UBXN2A: variants seen among roughly 807,000 people sequenced by gnomAD.
The protein encoded by UBXN2A is UBX domain protein 2A.
A neutral mutation model predicts 28.4 loss-of-function variants in UBXN2A; 28 were observed. That is an observed-to-expected ratio of 0.99 (90% CI 0.73 to 1.35). The LOEUF is 1.35. Among genes scored for constraint, UBXN2A ranks in the 40% most tolerant of loss-of-function variants. The pLI is 0.00. For synonymous variants in UBXN2A, 97 were observed against 103.6 expected (o/e 0.94, Z 0.39); for missense variants, 253 against 297.9 (o/e 0.85, Z 1.11).
intron 2 of UBXN2A, among the ~76,000 whole-genome samples, chr2:23,966,681 G>C (rs181721619): frequency 1.4e-5 from 2 of 146,940 alleles, no homozygotes; most frequent in Non-Finnish European, 3.0e-5. Flanking sequence ...TCGATCTCCT[G>C]ACCTTGTGAT....
At chr2:23,958,378 GCTTTGTTAATGC>G (rs1487007136) in intron 2 of UBXN2A, 23 bp downstream of exon 2, 2 of 1,588,988 alleles carry the variant, frequency 1.3e-6, no homozygotes, top group Admixed American at 3.6e-5. Context: ...AAACTGAATT[GCTTTGTTAATGC>G]CTTTGTTAAT....
Position 23,977,499 on chromosome 2 carries a change from G to A in UBXN2A, c.287+424G>A, listed in dbSNP as rs182567869. Reference sequence around the variant, plus strand: ...CTCTACTAAAAATACAAAATTAGCCGAGTGTGGTGGCACATGCCTGTAATC... The same window carrying A: ...CTCTACTAAAAATACAAAATTAGCCAAGTGTGGTGGCACATGCCTGTAATC... On this transcript the variant is annotated intron_variant, in intron 4 of 6. Transcript: ENST00000309033. Among the ~76,000 whole-genome samples the A allele has an allele frequency of 1.8e-3, 277 of 152,074 alleles. 2 individuals carry two copies. Among genetic ancestry groups the A allele is most frequent in the African/African-American group, 5.7e-3 (237 of 41,514 alleles).
At chr2:23,945,628 T>C (rs1706031569) in intron 1 of UBXN2A, among the ~76,000 whole-genome samples, 1 of 152,118 alleles carries the variant, frequency 6.6e-6, no homozygotes, top group East Asian at 1.9e-4. Context: ...TAAGCTTCTA[T>C]ATAAAGGTAG....
chr2:23,949,106 AT>A (rs1180015674), intron 1 of UBXN2A, among the ~76,000 whole-genome samples: 3 of 121,854 alleles, frequency 2.5e-5, no homozygotes, highest in Non-Finnish European at 5.3e-5. Flanking sequence ...AAGCCTGGCT[AT>A]TTTTTTTTCT....
intron 1 of UBXN2A, among the ~76,000 whole-genome samples, chr2:23,941,369 CTAAA>C (rs1705749374): frequency 6.6e-6 from 1 of 152,166 alleles, no homozygotes; most frequent in Admixed American, 6.5e-5. Context: ...TGTCTTCTTT[CTAAA>C]TATGCTGAAA....
At chr2:23,928,208 A>T (rs1573510774) in intron 1 of UBXN2A, among the ~76,000 whole-genome samples, 1 of 151,392 alleles carries the variant, frequency 6.6e-6, no homozygotes, top group Non-Finnish European at 1.5e-5. Context: ...AGAGAGAGAA[A>T]GGAAGAAAGA....
chr2:23,955,275 C>G (rs1484586039), intron 1 of UBXN2A, among the ~76,000 whole-genome samples: 1 of 152,056 alleles, frequency 6.6e-6, no homozygotes, highest in Non-Finnish European at 1.5e-5. Flanking sequence ...ATTCAGCATT[C>G]CCTTGGTTGC....
rs1362423729 is a variant in UBXN2A, at chr2:24,001,512, G to T, written c.*1645G>T. The stretch of plus-strand genomic sequence containing the variant: ...AGATTTAAAATGAAGCATGCATTGA[G>T]TGTGCCAAGGAACTAAGTGGTCCAT... On this transcript the variant is annotated 3_prime_UTR_variant, in exon 7 of 7. Coordinates refer to ENST00000309033, the MANE Select transcript of UBXN2A (RefSeq NM_181713.4). 1 of 151,982 alleles carries T rather than the reference G, an allele frequency of 6.6e-6. No homozygotes were observed. Among genetic ancestry groups the T allele is most frequent in the South Asian group, 2.1e-4 (1 of 4,828 alleles). The allele number at this position is 151,982 out of a possible 1,614,324, so 9.4% of individuals were successfully genotyped here.
At chr2:23,951,653 G>A (rs1706378925) in intron 1 of UBXN2A, among the ~76,000 whole-genome samples, 2 of 151,712 alleles carry the variant, frequency 1.3e-5, no homozygotes, top group Non-Finnish European at 1.5e-5. Flanking sequence ...TAGAGACGGG[G>A]TTTCACCATG....
At chr2:23,963,736 C>A (rs1011566651) in intron 2 of UBXN2A, among the ~76,000 whole-genome samples, 1 of 151,962 alleles carries the variant, frequency 6.6e-6, no homozygotes, top group African/African-American at 2.4e-5. Context: ...AACAGTATGG[C>A]GATTCCTCAA....
At chr2:23,967,058 G>A (rs1342669520) in intron 2 of UBXN2A, among the ~76,000 whole-genome samples, 1 of 151,900 alleles carries the variant, frequency 6.6e-6, no homozygotes, top group African/African-American at 2.4e-5. Flanking sequence ...GTGCCTGGCT[G>A]TATTTTCTAT....
Position 23,992,096 on chromosome 2 carries a change from C to T in UBXN2A, c.584+7265C>T, listed in dbSNP as rs183143599. 5.1e-3 allele frequency among the ~76,000 whole-genome samples: 773 copies of T among 152,250 alleles called. 7 individuals are homozygous for T. The highest frequency in any genetic ancestry group is 0.017 in the African/African-American group (704 of 41,552). On this transcript the variant is annotated intron_variant, in intron 6 of 6. Transcript: ENST00000309033. ...ATGCGATTCTCCTGCCTCAGCCTCC[C>T]GAGTAGCTGGGACTACAGGTGTGTG...
chr2:23,985,602 G>T (rs1193505729), intron 6 of UBXN2A, among the ~76,000 whole-genome samples: 2 of 144,380 alleles, frequency 1.4e-5, no homozygotes, highest in East Asian at 2.0e-4. Context: ...TGTCTAGACA[G>T]TTTTTTTTTT....
intron 2 of UBXN2A, among the ~76,000 whole-genome samples, chr2:23,962,583 G>GT (rs962489818): frequency 2.6e-4 from 39 of 147,746 alleles, no homozygotes; most frequent in Admixed American, 6.1e-4. Flanking sequence ...AAAGTAAGAG[G>GT]TTTTTTTTTC....
intron 6 of UBXN2A, among the ~76,000 whole-genome samples, chr2:23,990,028 G>C (rs1708294271): frequency 6.6e-6 from 1 of 152,048 alleles, no homozygotes; most frequent in South Asian, 2.1e-4. Context: ...TCCTATATGT[G>C]ACCAATGTCC....
intron 1 of UBXN2A, among the ~76,000 whole-genome samples, chr2:23,947,099 G>A (rs1706124824): frequency 6.6e-6 from 1 of 152,088 alleles, no homozygotes; most frequent in African/African-American, 2.4e-5. Context: ...TGTTGCCTAG[G>A]CTGATCTTGA....
chr2:23,957,703 G>T (rs975212605), intron 1 of UBXN2A, among the ~76,000 whole-genome samples: 1 of 152,084 alleles, frequency 6.6e-6, no homozygotes, highest in East Asian at 1.9e-4. Context: ...GTGTGGTGGC[G>T]CACGTCCGTA....
chr2:23,940,564 G>C lies in UBXN2A; in HGVS notation c.-99G>C, dbSNP rs2150793078. 6.6e-6 allele frequency: 1 copy of C among 151,528 alleles called. No individual in the cohort carries two copies. Among genetic ancestry groups the C allele is most frequent in the Non-Finnish European group, 1.5e-5 (1 of 67,830 alleles). The allele number at this position is 151,528 out of a possible 1,614,324, so 9.4% of individuals were successfully genotyped here. ...GGCGGCGGCGCTCCGGCTCTGAAGGGCTCCAGCCAAACGGAGCCCGCGGCC... is the reference window on the plus strand; with the variant it reads ...GGCGGCGGCGCTCCGGCTCTGAAGGCCTCCAGCCAAACGGAGCCCGCGGCC... On this transcript the variant is annotated 5_prime_UTR_variant, in exon 1 of 7. Transcript: ENST00000309033.
chr2:23,971,352 CT>C lies in UBXN2A; in HGVS notation c.123del (p.Phe41LeufsTer21). The C allele has an allele frequency of 1.3e-6, 2 of 1,576,682 alleles. No homozygotes were observed. The highest frequency in any genetic ancestry group is 8.7e-7 in the Non-Finnish European group (1 of 1,152,712). On this transcript the variant is annotated frameshift_variant, in exon 3 of 7. Transcript: ENST00000309033. LOFTEE classifies it high-confidence loss of function. ...AAATTGTGAATATTTTGTTGATAGC[CT>C]TTTTGAGGAAGCTCAGAAGGTTAGT... Reference protein sequence around the residue: ...QSNCEYFVDSLFEEAQKVSSK... With the variant: ...QSNCEYFVDSXFEEAQKVSSK...
Sources: allele counts gnomAD v4.1 joint callset (sites outside exome capture counted in the v4.1 genomes callset), GRCh38; gene constraint gnomAD v4.1.1; transcripts MANE v1.5; gene names NCBI Gene and HGNC (gene_info 2026-07-23, HGNC 2026-07-21).